The following GRIN2A variants were observed in gnomAD, a reference collection of about 807,000 sequenced individuals.
GRIN2A encodes glutamate receptor ionotropic, NMDA 2A.
GRIN2A carries 22 observed loss-of-function variants against 113.4 expected under a neutral mutation model. The ratio of observed to expected loss-of-function variants is 0.19; its 90% CI spans 0.14 to 0.28. GRIN2A has a LOEUF of 0.28. GRIN2A is among the 10% of genes least tolerant of loss of function. GRIN2A has a pLI of 1.00. For synonymous variants in GRIN2A, 827 were observed against 738.4 expected (o/e 1.12, Z -1.94); for missense variants, 1,502 against 1,887.0 (o/e 0.80, Z 3.78).
At chr16:10,112,824 T>C in intron 2 of GRIN2A, 1 of 630,706 alleles carries the variant, frequency 1.6e-6, no homozygotes, top group South Asian at 1.5e-5. Context: ...GTGGACCATG[T>C]CAGCCCAGAT....
intron 2 of GRIN2A, among the ~76,000 whole-genome samples, chr16:10,167,201 T>C (rs1222564664): frequency 6.6e-6 from 1 of 152,088 alleles, no homozygotes; most frequent in African/African-American, 2.4e-5. Flanking sequence ...TCCCCTGAAA[T>C]TGCACATAAT....
intron 4 of GRIN2A, among the ~76,000 whole-genome samples, chr16:9,851,134 C>T (rs9940445): frequency 2.0e-3 from 298 of 152,184 alleles, no homozygotes; most frequent in African/African-American, 6.5e-3. Flanking sequence ...TCAAACATGC[C>T]GGACACCAGG....
At chr16:10,076,541 C>G (rs918908986) in intron 2 of GRIN2A, among the ~76,000 whole-genome samples, 2 of 152,138 alleles carry the variant, frequency 1.3e-5, no homozygotes, top group Non-Finnish European at 2.9e-5. Flanking sequence ...TGCTCCTCAT[C>G]TAAGAGATGA....
At chr16:10,045,968 C>G (rs941796391) in intron 2 of GRIN2A, among the ~76,000 whole-genome samples, 1 of 152,222 alleles carries the variant, frequency 6.6e-6, no homozygotes, top group Non-Finnish European at 1.5e-5. Flanking sequence ...TCCCTACATG[C>G]TGATATTAGT....
At position 9,938,172 on chromosome 16, in the gene GRIN2A, G is replaced by T; in HGVS notation, c.794C>A (p.Thr265Lys). 1 of 1,614,038 alleles carries T rather than the reference G, an allele frequency of 6.2e-7. No individual in the cohort carries two copies. The highest frequency in any genetic ancestry group is 1.1e-5 in the South Asian group (1 of 91,084). The stretch of plus-strand genomic sequence containing the variant: ...TGGAAACTCTTTTGGGATGAGCTCC[G>T]TGTTCCCAGAGACCAAGCTGGGGAC... ...WIVPSLVSGN[T>K]ELIPKEFPSG... The change falls in exon 3 of 13, where the codon ACG becomes AAG. Residue 265 changes from threonine (T) to lysine (K), a missense_variant. By Grantham distance (78) the Thr-to-Lys change is moderately conservative. Transcript: ENST00000330684.
At chr16:10,148,422 T>A (rs907861064) in intron 2 of GRIN2A, among the ~76,000 whole-genome samples, 1 of 152,160 alleles carries the variant, frequency 6.6e-6, no homozygotes, top group Non-Finnish European at 1.5e-5. Context: ...TTACCAAATA[T>A]AAAAGAGTGG....
chr16:10,038,520 C>A (rs2047077406), intron 2 of GRIN2A, among the ~76,000 whole-genome samples: 1 of 152,000 alleles, frequency 6.6e-6, no homozygotes, highest in Admixed American at 6.6e-5. Context: ...AGCAACTCCA[C>A]CTTATCCCCA....
intron 11 of GRIN2A, among the ~76,000 whole-genome samples, chr16:9,776,845 A>T (rs925535877): frequency 3.3e-5 from 5 of 152,254 alleles, no homozygotes; most frequent in Non-Finnish European, 7.4e-5. Context: ...TGGGAAATCT[A>T]GGGCACAGAT....
chr16:9,808,652 G>GTATT (rs1049538980), intron 10 of GRIN2A, among the ~76,000 whole-genome samples: 1 of 152,106 alleles, frequency 6.6e-6, no homozygotes, highest in African/African-American at 2.4e-5. Context: ...CACACAGCTG[G>GTATT]TATTAGAGAC....
At position 9,764,886 on chromosome 16, in the gene GRIN2A, A is replaced by G. The variant is rs1321794341; in HGVS notation, c.2658T>C (p.Asn886=). 1.9e-6 allele frequency: 3 copies of G among 1,614,144 alleles called. No individual in the cohort carries two copies. The highest frequency in any genetic ancestry group is 2.5e-6 in the Non-Finnish European group (3 of 1,179,964). ...IEEKKKSPDF[N]LTGSQSNMLK... ...ACATGTTGCTCTGGGATCCCGTCAGATTGAAGTCTGGAGACTTCTTCTTTT... is the reference window on the plus strand; with the variant it reads ...ACATGTTGCTCTGGGATCCCGTCAGGTTGAAGTCTGGAGACTTCTTCTTTT... Residue 886 remains asparagine (N), a synonymous_variant, in exon 13 of 13, where the codon AAT becomes AAC. Transcript: ENST00000330684.
At chr16:9,955,905 T>TTTGGGCAGAAATCCCCAGGGGC (rs1396629038) in intron 2 of GRIN2A, among the ~76,000 whole-genome samples, 2 of 152,320 alleles carry the variant, frequency 1.3e-5, no homozygotes, top group Non-Finnish European at 2.9e-5. Context: ...CTGTATCACC[T>TTTGGGCAGAAATCCCCAGGGGC]TTGGGCAGAA....
At chr16:9,923,102 TC>T (rs1338688768) in intron 3 of GRIN2A, among the ~76,000 whole-genome samples, 2 of 152,172 alleles carry the variant, frequency 1.3e-5, no homozygotes, top group Admixed American at 6.5e-5. Context: ...TGAATTTATT[TC>T]CCCTTGCAGT....
chr16:10,106,626 C>T (rs1022158336), intron 2 of GRIN2A, among the ~76,000 whole-genome samples: 1 of 151,934 alleles, frequency 6.6e-6, no homozygotes, highest in African/African-American at 2.4e-5. Context: ...GAAGGCACTC[C>T]GATGACGTCT....
chr16:9,880,185 C>G (rs1194773443), intron 4 of GRIN2A, among the ~76,000 whole-genome samples: 1 of 152,084 alleles, frequency 6.6e-6, no homozygotes, highest in Non-Finnish European at 1.5e-5. Context: ...CAAGCTCACT[C>G]AGATTGTTGG....
At chr16:10,046,457 G>C (rs1159392665) in intron 2 of GRIN2A, among the ~76,000 whole-genome samples, 2 of 151,628 alleles carry the variant, frequency 1.3e-5, no homozygotes, top group African/African-American at 2.4e-5. Context: ...AATTTGAGTT[G>C]GGGTTTTGTT....
chr16:9,958,178 G>A (rs2045349112), intron 2 of GRIN2A, among the ~76,000 whole-genome samples: 1 of 152,186 alleles, frequency 6.6e-6, no homozygotes, highest in African/African-American at 2.4e-5. Context: ...GGCAATTGAT[G>A]TAAAAGCATC....
rs554206828 is a variant in GRIN2A at position 10,044,565 on chromosome 16, T to A, written c.415-106014A>T. 3.3e-5 allele frequency among the ~76,000 whole-genome samples: 5 copies of A among 151,554 alleles called. No individual in the cohort carries two copies. In the East Asian group the frequency reaches 9.7e-4, roughly 29 times the overall value. On this transcript the variant is annotated intron_variant, in intron 2 of 12. Coordinates refer to ENST00000330684, the MANE Select transcript of GRIN2A (RefSeq NM_001134407.3). ...GTTCTATACATATCTTTAATATACA[T>A]CCTATTGCTTTATGATTATTTGCTT...
chr16:10,176,741 C>G (rs2050155506), intron 2 of GRIN2A, among the ~76,000 whole-genome samples: 1 of 151,512 alleles, frequency 6.6e-6, no homozygotes, highest in African/African-American at 2.4e-5. Context: ...GGAGATATAC[C>G]TAATGTAAAT....
intron 2 of GRIN2A, among the ~76,000 whole-genome samples, chr16:10,007,137 G>T (rs2046417685): frequency 6.6e-6 from 1 of 152,140 alleles, no homozygotes; most frequent in Admixed American, 6.5e-5. Flanking sequence ...CCCCTTCTTT[G>T]GGTATATAGT....
Sources: gnomAD v4.1 joint callset for allele counts (sites outside exome capture counted in the v4.1 genomes callset) on GRCh38, gnomAD v4.1.1 for gene constraint, MANE v1.5 for transcripts, NCBI Gene and HGNC (gene_info 2026-07-23, HGNC 2026-07-21) for gene names.